Variants in TTF2 observed in about 807,000 individuals in gnomAD.
TTF2 encodes RNA polymerase II termination factor.
Under a neutral mutation model 142.4 loss-of-function variants are expected in TTF2, and 108 were observed. The ratio of observed to expected loss-of-function variants is 0.76; its 90% CI spans 0.65 to 0.89. The LOEUF (loss-of-function observed/expected upper bound fraction) is 0.89. TTF2 is among the 40% of genes least tolerant of loss of function. The pLI, the probability that TTF2 is intolerant of heterozygous loss-of-function variation, is 0.00. For missense variants in TTF2, 1,327 were observed against 1,379.8 expected, an observed-to-expected ratio of 0.96 and a Z score of 0.61; for synonymous variants, 483 against 506.2, an observed-to-expected ratio of 0.95 and a Z score of 0.61.
rs1649665724 is a variant in TTF2 at position 117,102,536 on chromosome 1, G to A, written c.*1012G>A. The A allele has an allele frequency of 6.6e-6, 1 of 152,208 alleles. No homozygotes were observed. The highest frequency in any genetic ancestry group is 2.1e-4 in the South Asian group (1 of 4,828). 9.4% of individuals were successfully genotyped at this position (152,208 alleles called of 1,614,324 possible). A position where few individuals can be genotyped will look rare whatever the true frequency, so the allele number is the denominator to read the frequency against. On this transcript the variant is annotated 3_prime_UTR_variant, in exon 23 of 23. Coordinates refer to ENST00000369466, the MANE Select transcript of TTF2 (RefSeq NM_003594.4). ...ATTTAATATTGGTTATCACCATACA[G>A]TTTAATATTTGTATCATTTGGTTCA... is the stretch of plus-strand genomic sequence containing the variant.
At position 117,073,538 on chromosome 1, in the gene TTF2, C is replaced by A; in HGVS notation, c.219-123C>A. ...ATGTGTATATAAAAGTAATTGGTTTCAAGTGACCTCCCAAAGCCAGGTTCA... is the reference window on the plus strand; with the variant it reads ...ATGTGTATATAAAAGTAATTGGTTTAAAGTGACCTCCCAAAGCCAGGTTCA... On this transcript the variant is annotated intron_variant, in intron 3 of 22. Coordinates refer to ENST00000369466, the MANE Select transcript of TTF2 (RefSeq NM_003594.4). This position sits in a 1 kb window ranked among gnomAD's most constrained non-coding sequence, Gnocchi z 4.4. The A allele has an allele frequency of 1.2e-6, 1 of 835,224 alleles. No individual in the cohort carries two copies. Among genetic ancestry groups the A allele is most frequent in the African/African-American group, 1.7e-5 (1 of 58,344 alleles). The allele number at this position is 835,224 out of a possible 1,614,324, so 51.7% of individuals were successfully genotyped here. A position where few individuals can be genotyped will look rare whatever the true frequency, so the allele number is the denominator to read the frequency against.
At position 117,086,556 on chromosome 1, in the gene TTF2, G is replaced by A; in HGVS notation, c.2160+34G>A. 6.6e-7 allele frequency: 1 copy of A among 1,522,682 alleles called. No homozygotes were observed. Among genetic ancestry groups the A allele is most frequent in the South Asian group, 1.1e-5 (1 of 88,314 alleles). 94.3% of individuals were successfully genotyped at this position (1,522,682 alleles called of 1,614,324 possible). The stretch of plus-strand genomic sequence containing the variant: ...GGGGGGCAGCCAGGGAAGTGGAGTT[G>A]GAGCCACAGATGGTTTAATGGGAGT... On this transcript the variant is annotated intron_variant, in intron 12 of 22. Transcript: ENST00000369466. This position sits in a 1 kb window ranked among gnomAD's most constrained non-coding sequence, Gnocchi z 4.2.
intron 4 of TTF2, among the ~76,000 whole-genome samples, chr1:117,074,180 T>G (rs1203810451): frequency 6.6e-6 from 1 of 152,200 alleles, no homozygotes. Flanking sequence ...GTGATAAGAC[T>G]TGTTTTGGCA....
In TTF2 at chr1:117,099,447, C is replaced by A. The variant is rs1649410604; in HGVS notation, c.3344+540C>A. Among the ~76,000 whole-genome samples, 1 of 152,128 alleles carries A rather than the reference C, an allele frequency of 6.6e-6. No individual in the cohort carries two copies. ...CTATTATCTGATCTACAGATCTTTTCAATCTCACTTGTCTCAGTGATGTCC... is the reference window on the plus strand; with the variant it reads ...CTATTATCTGATCTACAGATCTTTTAAATCTCACTTGTCTCAGTGATGTCC... On this transcript the variant is annotated intron_variant, in intron 22 of 22. Transcript: ENST00000369466. The surrounding 1 kb of genome is among the most constrained non-coding windows in gnomAD (Gnocchi z 4.3).
At chr1:117,062,100 C>T (rs1655729290) in intron 2 of TTF2, among the ~76,000 whole-genome samples, 1 of 152,140 alleles carries the variant, frequency 6.6e-6, no homozygotes, top group Non-Finnish European at 1.5e-5. Context: ...CTAATTATGT[C>T]ATTCGTAGGG....
Position 117,075,568 on chromosome 1 carries a change from A to AC in TTF2, c.984_985insC (p.Ala329ArgfsTer15). 4 of 1,614,206 alleles carry AC rather than the reference A, an allele frequency of 2.5e-6. No homozygotes were observed. Among genetic ancestry groups the AC allele is most frequent in the Non-Finnish European group, 3.4e-6 (4 of 1,180,038 alleles). On this transcript the variant is annotated frameshift_variant, in exon 5 of 23. Transcript: ENST00000369466. LOFTEE classifies it high-confidence loss of function. This position sits in a 1 kb window ranked among gnomAD's most constrained non-coding sequence, Gnocchi z 4.5. The stretch of plus-strand genomic sequence containing the variant: ...ACAGTGTGCCTGCTCCTGGAGGACC[A>AC]GCGGCTCAGGCTGCACCAGCAGCAC...
rs1361661545 is a variant in TTF2, at chr1:117,090,039, T to G, written c.2343-16T>G. 2 of 1,610,930 alleles carry G rather than the reference T, an allele frequency of 1.2e-6. No homozygotes were observed. The highest frequency in any genetic ancestry group is 1.7e-5 in the Admixed American group (1 of 59,820). ...TTTCCTTCCCTACTCTGTGCCCTTC[T>G]TCCTCAACAAAAAAGGTTTCTCCGT... On this transcript the variant is annotated splice_polypyrimidine_tract_variant and intron_variant, in intron 13 of 22. Coordinates refer to ENST00000369466, the MANE Select transcript of TTF2 (RefSeq NM_003594.4). The surrounding 1 kb of genome is among the most constrained non-coding windows in gnomAD (Gnocchi z 4.8).
chr1:117,096,038 C>G, intron 19 of TTF2, 111 bp from the exon 20 acceptor site: 1 of 1,278,774 alleles, frequency 7.8e-7, no homozygotes, highest in Non-Finnish European at 1.1e-6. Flanking sequence ...GAAGGCCTTT[C>G]CTTGTCAACA....
rs1419788194 is a variant in TTF2 at position 117,087,019 on chromosome 1, G to A, written c.2160+497G>A. ...TTGTGAATACGTGATGGTCTTCTAG[G>A]GTGTCCAGGGCAGCCTCAGTTATGT... On this transcript the variant is annotated intron_variant, in intron 12 of 22. Transcript: ENST00000369466. The surrounding 1 kb of genome is among the most constrained non-coding windows in gnomAD (Gnocchi z 4.8). Among the ~76,000 whole-genome samples the A allele has an allele frequency of 6.6e-6, 1 of 152,052 alleles. No homozygotes were observed. The highest frequency in any genetic ancestry group is 2.4e-5 in the African/African-American group (1 of 41,396).
Position 117,060,357 on chromosome 1 carries a change from T to A in TTF2, c.11T>A (p.Val4Asp). 6.3e-7 allele frequency: 1 copy of A among 1,599,662 alleles called. No individual in the cohort carries two copies. Among genetic ancestry groups the A allele is most frequent in the Non-Finnish European group, 8.5e-7 (1 of 1,172,898 alleles). The change falls in exon 1 of 23, where the codon GTT (valine) becomes GAT (aspartate). Residue 4 changes from valine (V) to aspartate (D), a missense_variant. Physicochemically the swap from Val to Asp is radical, Grantham distance 152. Transcript: ENST00000369466. ...GGGGGACCCAGCGAAATGGAAGAAGTTAGGTGTCCAGAGCACGGTAAGGGG... is the reference window on the plus strand; with the variant it reads ...GGGGGACCCAGCGAAATGGAAGAAGATAGGTGTCCAGAGCACGGTAAGGGG... The part of the protein sequence containing the change: MEE[V>D]RCPEHGTFCF...
rs1329607488 is a variant in TTF2, at chr1:117,096,220, A to C, written c.3107A>C (p.Tyr1036Ser). Residue 1036 changes from tyrosine (Y) to serine (S), a missense_variant, in exon 20 of 23, where the codon TAT (tyrosine) becomes TCT (serine). Transcript: ENST00000369466. The part of the protein sequence containing the change: ...ALHLKKHGLT[Y>S]ATIDGSVNPK... ...CACCTGAAGAAGCATGGACTGACTTATGCCACCATCGATGGCTCTGTCAAT... is the reference window on the plus strand; with the variant it reads ...CACCTGAAGAAGCATGGACTGACTTCTGCCACCATCGATGGCTCTGTCAAT... The C allele has an allele frequency of 6.2e-7, 1 of 1,614,056 alleles. No individual in the cohort carries two copies. The highest frequency in any genetic ancestry group is 8.5e-7 in the Non-Finnish European group (1 of 1,180,024).
At position 117,101,276 on chromosome 1, in the gene TTF2, G is replaced by T; in HGVS notation, c.3345-104G>T. ...CTGGACCTAAGAAGACTTAAAGGAA[G>T]AAATCTCATTAAAAATGAAAGCATA... is the stretch of plus-strand genomic sequence containing the variant. On this transcript the variant is annotated intron_variant, in intron 22 of 22. Transcript: ENST00000369466. The surrounding 1 kb of genome is among the most constrained non-coding windows in gnomAD (Gnocchi z 5.9). 1 of 1,271,338 alleles carries T rather than the reference G, an allele frequency of 7.9e-7. No individual in the cohort carries two copies. Among genetic ancestry groups the T allele is most frequent in the South Asian group, 1.6e-5 (1 of 63,502 alleles). The allele number at this position is 1,271,338 out of a possible 1,614,324, so 78.8% of individuals were successfully genotyped here. A position where few individuals can be genotyped will look rare whatever the true frequency, so the allele number is the denominator to read the frequency against.
At chr1:117,089,053 T>C in intron 13 of TTF2, 71 bp downstream of exon 13, 1 of 1,490,594 alleles carries the variant, frequency 6.7e-7, no homozygotes, top group Non-Finnish European at 9.0e-7. Flanking sequence ...TCATGTCTCA[T>C]AATAAAGCCT....
intron 7 of TTF2, 114 bp from the exon 8 acceptor site, chr1:117,077,802 A>C: frequency 1.5e-5 from 20 of 1,326,296 alleles, no homozygotes; most frequent in East Asian, 2.4e-5. Context: ...TGAGGAGAGT[A>C]GTTAACAAGG....
rs576020971 is a variant in TTF2, at chr1:117,064,684, A to AT, written c.218+2218dup. Among the ~76,000 whole-genome samples the AT allele has an allele frequency of 7.6e-4, 116 of 151,684 alleles. 2 individuals are homozygous for AT. In the Middle Eastern group the frequency reaches 0.017, roughly 22 times the overall value. On this transcript the variant is annotated intron_variant, in intron 3 of 22. Coordinates refer to ENST00000369466, the MANE Select transcript of TTF2 (RefSeq NM_003594.4). ...CTGGGACTACAGGTGTGCACCAATA[A>AT]TTTTTTTGTATTTTAGTAGAAACGG...
intron 13 of TTF2, among the ~76,000 whole-genome samples, chr1:117,089,285 T>TATATA (rs1196865117): frequency 4.0e-5 from 6 of 149,570 alleles, no homozygotes; most frequent in South Asian, 2.1e-4. Context: ...TATGCAAAAA[T>TATATA]TATTCTTAAG....
In TTF2 at chr1:117,097,541, C is replaced by A; in HGVS notation, c.3269+108C>A. On this transcript the variant is annotated intron_variant, in intron 21 of 22. Coordinates refer to ENST00000369466, the MANE Select transcript of TTF2 (RefSeq NM_003594.4). This position sits in a 1 kb window ranked among gnomAD's most constrained non-coding sequence, Gnocchi z 4.1. ...TATGTTGATTGCTGTGTTCGTATTG[C>A]AGAGATGCCTTGCTTTGTATGTGTC... 3 of 1,009,098 alleles carry A rather than the reference C, an allele frequency of 3.0e-6. No homozygotes were observed. Among genetic ancestry groups the A allele is most frequent in the Admixed American group, 1.7e-5 (1 of 58,018 alleles). The allele number at this position is 1,009,098 out of a possible 1,614,324, so 62.5% of individuals were successfully genotyped here.
In TTF2 at chr1:117,099,860, G is replaced by C. The variant is rs2101254281; in HGVS notation, c.3344+953G>C. Among the ~76,000 whole-genome samples, 1 of 152,316 alleles carries C rather than the reference G, an allele frequency of 6.6e-6. No homozygotes were observed. Among genetic ancestry groups the C allele is most frequent in the East Asian group, 1.9e-4 (1 of 5,188 alleles). ...GGGGCACCAATGACTTCCAGACTTT[G>C]CTAAATATAGTGATTATGATAGTCT... is the stretch of plus-strand genomic sequence containing the variant. On this transcript the variant is annotated intron_variant, in intron 22 of 22. Coordinates refer to ENST00000369466, the MANE Select transcript of TTF2 (RefSeq NM_003594.4). This position sits in a 1 kb window ranked among gnomAD's most constrained non-coding sequence, Gnocchi z 4.3.
rs1570864465 is a variant in TTF2, at chr1:117,090,702, T to C, written c.2588+79T>C. 1.6e-6 allele frequency: 2 copies of C among 1,242,150 alleles called. No homozygotes were observed. The highest frequency in any genetic ancestry group is 4.7e-5 in the East Asian group (2 of 42,182). The allele number at this position is 1,242,150 out of a possible 1,614,324, so 76.9% of individuals were successfully genotyped here. A position where few individuals can be genotyped will look rare whatever the true frequency, so the allele number is the denominator to read the frequency against. On this transcript the variant is annotated intron_variant, in intron 15 of 22. Transcript: ENST00000369466. This position sits in a 1 kb window ranked among gnomAD's most constrained non-coding sequence, Gnocchi z 4.8. ...TCTTGGGAGTGAGTTGAAGGTCAAA[T>C]TTCCACAAACTTTATGGCATTATTG...
Sources: allele counts gnomAD v4.1 joint callset (sites outside exome capture counted in the v4.1 genomes callset), GRCh38; gene constraint gnomAD v4.1.1; non-coding constraint Gnocchi (gnomAD v3.1); transcripts MANE v1.5; gene names NCBI Gene and HGNC (gene_info 2026-07-23, HGNC 2026-07-21).